PRR16: variants seen among roughly 807,000 people sequenced by gnomAD.
PRR16 encodes the protein protein Largen.
In PRR16, 6 loss-of-function variants were observed where a neutral mutation model predicts 18.2. That is an observed-to-expected ratio of 0.33 (90% CI 0.18 to 0.65). PRR16 has a LOEUF of 0.65. Ranked by LOEUF, PRR16 falls within the 30% of genes least tolerant of loss-of-function variation. The pLI is 0.74. For synonymous variants in PRR16, 151 were observed against 147.8 expected (o/e 1.02, Z -0.16); for missense variants, 412 against 376.6 (o/e 1.09, Z -0.78).
chr5:120,535,396 G>A (rs1205454932), intron 1 of PRR16, among the ~76,000 whole-genome samples: 1 of 152,068 alleles, frequency 6.6e-6, no homozygotes, highest in Non-Finnish European at 1.5e-5. Context: ...AACATTGATA[G>A]TAATTTGTAT....
the PRR16 span, among the ~76,000 whole-genome samples, chr5:120,766,787 A>G: frequency 1.3e-5 from 2 of 152,068 alleles, no homozygotes; most frequent in Admixed American, 1.3e-4. Context: ...CTACAAATTG[A>G]CAATTCCCCA....
chr5:120,705,234 T>G, the PRR16 span, among the ~76,000 whole-genome samples: 1 of 152,128 alleles, frequency 6.6e-6, no homozygotes, highest in Non-Finnish European at 1.5e-5. Flanking sequence ...GTTAATTATA[T>G]GAAAATTATT....
chr5:120,602,872 A>G lies in PRR16; in HGVS notation c.160-83082A>G, dbSNP rs572562387. On this transcript the variant is annotated intron_variant, in intron 1 of 1. Coordinates refer to ENST00000407149, the MANE Select transcript of PRR16 (RefSeq NM_001300783.2). ...TTTGTGTGATGAATTACATTTACTG[A>G]TTTTCGTGTTTCAAACCATCATCGC... Among the ~76,000 whole-genome samples, 9 of 152,042 alleles carry G rather than the reference A, an allele frequency of 5.9e-5. No individual in the cohort carries two copies. The South Asian group carries it at 1.9e-3, about 32-fold the overall frequency.
chr5:120,515,857 C>G (rs17146717), intron 1 of PRR16, among the ~76,000 whole-genome samples: 11,017 of 152,158 alleles, frequency 0.072, 901 homozygotes, highest in African/African-American at 0.21. Context: ...GAATTTTATG[C>G]TTTATTCAGT....
chr5:120,579,537 A>G (rs559600115), intron 1 of PRR16, among the ~76,000 whole-genome samples: 12 of 151,912 alleles, frequency 7.9e-5, no homozygotes, highest in South Asian at 2.1e-4. Flanking sequence ...GTATTTGTCA[A>G]GTTTGTTGAA....
chr5:120,699,435 G>A, the PRR16 span, among the ~76,000 whole-genome samples: 2 of 152,148 alleles, frequency 1.3e-5, no homozygotes, highest in African/African-American at 4.8e-5. Flanking sequence ...AGTCATGGGG[G>A]TCAGGTGTGG....
intron 1 of PRR16, among the ~76,000 whole-genome samples, chr5:120,515,745 T>G (rs903728498): frequency 6.6e-6 from 1 of 152,218 alleles, no homozygotes; most frequent in South Asian, 2.1e-4. Context: ...CACAGTCAAT[T>G]TGAAGGAGTA....
chr5:120,558,638 G>C (rs978779634), intron 1 of PRR16, among the ~76,000 whole-genome samples: 9 of 151,888 alleles, frequency 5.9e-5, no homozygotes, highest in Non-Finnish European at 7.4e-5. Context: ...TTGATACGCT[G>C]ATTTCCTATC....
the PRR16 span, among the ~76,000 whole-genome samples, chr5:120,754,401 T>TTATACTATATAGTATATATTA: frequency 4.5e-5 from 3 of 67,212 alleles, no homozygotes; most frequent in East Asian, 1.3e-3. Flanking sequence ...ATGTTATATA[T>TTATACTATATAGTATATATTA]TATACTATAT....
rs563438595 is a variant in PRR16 at position 120,674,787 on chromosome 5, CTCTATGTCT to C, written c.160-11165_160-11157del. On this transcript the variant is annotated intron_variant, in intron 1 of 1. Transcript: ENST00000407149. ...TGAAGCTCCAATATTGATCTTTTTG[CTCTATGTCT>C]TTTAACTTTTTTCTTGTATTTTTAA... 2.7e-4 allele frequency among the ~76,000 whole-genome samples: 41 copies of C among 151,758 alleles called. No individual in the cohort carries two copies. In the South Asian group the frequency reaches 8.5e-3, roughly 32 times the overall value.
the PRR16 span, among the ~76,000 whole-genome samples, chr5:120,759,669 G>T: frequency 4.6e-5 from 7 of 152,056 alleles, no homozygotes; most frequent in Non-Finnish European, 1.0e-4. Flanking sequence ...GAACCTTAGT[G>T]TATACAAATT....
At chr5:120,481,360 A>G in intron 1 of PRR16, 1 of 357,074 alleles carries the variant, frequency 2.8e-6, no homozygotes, top group South Asian at 2.0e-5. Context: ...TGAACTCTTG[A>G]GCTCAGGTGA....
At chr5:120,591,859 C>G (rs1405566436) in intron 1 of PRR16, among the ~76,000 whole-genome samples, 1 of 152,058 alleles carries the variant, frequency 6.6e-6, no homozygotes, top group Non-Finnish European at 1.5e-5. Flanking sequence ...AGGAGTTCTT[C>G]TCTTGAATCT....
At chr5:120,751,450 G>T in the PRR16 span, among the ~76,000 whole-genome samples, 2 of 151,808 alleles carry the variant, frequency 1.3e-5, no homozygotes, top group South Asian at 2.1e-4. Context: ...CCTATTTTTT[G>T]ATCTTTGTGA....
Position 120,479,264 on chromosome 5 carries a change from G to A in PRR16, c.159+14619G>A, listed in dbSNP as rs558581636. 3.3e-5 allele frequency among the ~76,000 whole-genome samples: 5 copies of A among 152,130 alleles called. No individual in the cohort carries two copies. In the South Asian group the frequency reaches 1.0e-3, roughly 32 times the overall value. On this transcript the variant is annotated intron_variant, in intron 1 of 1. Transcript: ENST00000407149. Reference sequence around the variant, plus strand: ...ATTGCTTGTGGGGATTGAGTCATGCGAGGCCTTTTCATATGCGTTTTCAAT... The same window carrying A: ...ATTGCTTGTGGGGATTGAGTCATGCAAGGCCTTTTCATATGCGTTTTCAAT...
chr5:120,631,908 C>T (rs1439794377), intron 1 of PRR16, among the ~76,000 whole-genome samples: 4 of 152,190 alleles, frequency 2.6e-5, no homozygotes. Flanking sequence ...AGCATCACCT[C>T]CTGGCTGGAG....
chr5:120,679,085 A>G (rs1756894538), intron 1 of PRR16, among the ~76,000 whole-genome samples: 1 of 152,172 alleles, frequency 6.6e-6, no homozygotes. Flanking sequence ...AGTCTACTAT[A>G]GCTTCCTTGT....
At chr5:120,787,207 G>A in the PRR16 span, among the ~76,000 whole-genome samples, 1 of 152,028 alleles carries the variant, frequency 6.6e-6, no homozygotes, top group Non-Finnish European at 1.5e-5. Context: ...AAGTAAACAT[G>A]CAAAAAAATG....
the PRR16 span, among the ~76,000 whole-genome samples, chr5:120,708,978 CTTTTTTTTTTTTTTTTTTTTTTTTT>C: frequency 1.1e-4 from 5 of 43,688 alleles, no homozygotes; most frequent in East Asian, 2.4e-3. Flanking sequence ...CTCTTTGGTA[CTTTTTTTTTTTTTTTTTTTTTTTTT>C]TTTTTTTTTT....
Sources: gnomAD v4.1 joint callset for allele counts (sites outside exome capture counted in the v4.1 genomes callset) on GRCh38, gnomAD v4.1.1 for gene constraint, MANE v1.5 for transcripts, NCBI Gene and HGNC (gene_info 2026-07-23, HGNC 2026-07-21) for gene names.